Variants in SLC17A1 observed in about 807,000 individuals in gnomAD.
SLC17A1 encodes the protein solute carrier family 17 member 1, also known as sodium-dependent phosphate transport protein 1.
SLC17A1 carries 51 observed loss-of-function variants against 53.5 expected under a neutral mutation model. That is an observed-to-expected ratio of 0.95 (90% CI 0.76 to 1.20). SLC17A1 has a LOEUF of 1.20. Among genes scored for constraint, SLC17A1 ranks in the 50% most tolerant of loss-of-function variants. The pLI is 0.00. For synonymous variants in SLC17A1, 179 were observed against 198.8 expected (o/e 0.90, Z 0.84); for missense variants, 538 against 568.2 (o/e 0.95, Z 0.54).
the SLC17A1 span, chr6:25,726,473 A>T: frequency 3.7e-6 from 6 of 1,613,706 alleles, no homozygotes; most frequent in South Asian, 6.6e-5. Context: ...GCTCTAGAAG[A>T]GCGAGACTTA....
At chr6:25,729,583 G>A in the SLC17A1 span, among the ~76,000 whole-genome samples, 1 of 152,180 alleles carries the variant, frequency 6.6e-6, no homozygotes, top group Admixed American at 6.5e-5. Flanking sequence ...ACCACGGGAT[G>A]GGTGTGAACT....
the SLC17A1 span, among the ~76,000 whole-genome samples, chr6:25,755,005 A>T: frequency 6.6e-6 from 1 of 151,622 alleles, no homozygotes; most frequent in African/African-American, 2.4e-5. Flanking sequence ...GAAATTTTCT[A>T]AAAGTATAGC....
the SLC17A1 span, among the ~76,000 whole-genome samples, chr6:25,736,979 C>T: frequency 3.7e-4 from 57 of 152,268 alleles, no homozygotes; most frequent in African/African-American, 1.3e-3. Context: ...ACCTCCAAAC[C>T]GCCCTTGGTT....
intron 10 of SLC17A1, among the ~76,000 whole-genome samples, chr6:25,806,795 A>G (rs1041830773): frequency 1.3e-5 from 2 of 152,100 alleles, no homozygotes; most frequent in African/African-American, 4.8e-5. Flanking sequence ...AAGAACTAAT[A>G]TCCACAATCT....
chr6:25,726,826 A>C, the SLC17A1 span: 1 of 1,473,524 alleles, frequency 6.8e-7, no homozygotes, highest in Non-Finnish European at 9.1e-7. Context: ...GAGCTGTTTA[A>C]TACTGAAGAG....
At chr6:25,724,171 C>T in the SLC17A1 span, among the ~76,000 whole-genome samples, 1 of 152,164 alleles carries the variant, frequency 6.6e-6, no homozygotes, top group Non-Finnish European at 1.5e-5. Flanking sequence ...CACTTGTAAT[C>T]CCAGCACTTT....
chr6:25,798,693 T>C, intron 12 of SLC17A1, 90 bp downstream of exon 12: 2 of 1,239,854 alleles, frequency 1.6e-6, no homozygotes, highest in Non-Finnish European at 1.1e-6. Flanking sequence ...CTGCACCCGT[T>C]ATTCCTTCTC....
intron 10 of SLC17A1, among the ~76,000 whole-genome samples, chr6:25,805,290 A>G (rs1289049531): frequency 6.6e-6 from 1 of 152,074 alleles, no homozygotes; most frequent in Non-Finnish European, 1.5e-5. Context: ...AATCTGCTCC[A>G]GAATGGGTTT....
intron 7 of SLC17A1, 45 bp downstream of exon 7, chr6:25,813,050 T>G (rs755865019): frequency 1.9e-6 from 3 of 1,612,308 alleles, no homozygotes; most frequent in Middle Eastern, 1.7e-4. Flanking sequence ...ATGTTTAGTT[T>G]GGAGTAGAAT....
the SLC17A1 span, among the ~76,000 whole-genome samples, chr6:25,774,093 A>C: frequency 6.6e-6 from 1 of 152,350 alleles, no homozygotes; most frequent in East Asian, 1.9e-4. Context: ...AAACATAAAC[A>C]ACATATGCTG....
At chr6:25,733,554 G>A in the SLC17A1 span, among the ~76,000 whole-genome samples, 2 of 152,080 alleles carry the variant, frequency 1.3e-5, no homozygotes, top group Non-Finnish European at 2.9e-5. Context: ...ATACAGGTAT[G>A]TGATACCTTA....
At chr6:25,740,097 G>T in the SLC17A1 span, among the ~76,000 whole-genome samples, 1 of 152,252 alleles carries the variant, frequency 6.6e-6, no homozygotes, top group South Asian at 2.1e-4. Context: ...GCCCCTTTTA[G>T]CTATGAGGCA....
rs746503743 is a variant in SLC17A1 at position 25,819,965 on chromosome 6, A to C, written c.208-50T>G. ...GAATCACTCTGCATATCAGAAATTTACTGTGACATTTAGGGATTCAGGGAA... is the reference window on the plus strand; with the variant it reads ...GAATCACTCTGCATATCAGAAATTTCCTGTGACATTTAGGGATTCAGGGAA... On this transcript the variant is annotated intron_variant, in intron 3 of 12. Coordinates refer to ENST00000244527, the MANE Select transcript of SLC17A1 (RefSeq NM_005074.5). The C allele has an allele frequency of 2.3e-6, 3 of 1,278,560 alleles. No homozygotes were observed. In the African/African-American group the frequency reaches 4.5e-5, roughly 19 times the overall value. The allele number at this position is 1,278,560 out of a possible 1,614,324, so 79.2% of individuals were successfully genotyped here. A position where few individuals can be genotyped will look rare whatever the true frequency, so the allele number is the denominator to read the frequency against.
chr6:25,767,748 A>T, the SLC17A1 span, among the ~76,000 whole-genome samples: 4 of 152,108 alleles, frequency 2.6e-5, no homozygotes, highest in East Asian at 7.7e-4. Flanking sequence ...TGCTTTGTCC[A>T]TTTTTTTGAA....
In SLC17A1 at chr6:25,812,992, C is replaced by A. The variant is rs201202638; in HGVS notation, c.736G>T (p.Val246Phe). ...EYITSSLVQQ[V>F]SSSRQSLPIK... Reference sequence around the variant, plus strand: ...GGCAGAGATTGTCTACTTGAACTGACCTGGAGAGAAATTCATTAAGAATTA... The same window carrying A: ...GGCAGAGATTGTCTACTTGAACTGAACTGGAGAGAAATTCATTAAGAATTA... The change falls in exon 8 of 13, where the codon GTC becomes TTC. Residue 246 changes from valine (V) to phenylalanine (F), a missense_variant and splice_region_variant. Physicochemically the swap from Val to Phe is conservative, Grantham distance 50. Transcript: ENST00000244527. 2 of 1,613,748 alleles carry A rather than the reference C, an allele frequency of 1.2e-6. No individual in the cohort carries two copies. The highest frequency in any genetic ancestry group is 1.3e-5 in the African/African-American group (1 of 74,992).
chr6:25,806,424 G>A (rs1010337400), intron 10 of SLC17A1, among the ~76,000 whole-genome samples: 3 of 151,910 alleles, frequency 2.0e-5, no homozygotes, highest in Admixed American at 2.0e-4. Context: ...AACATCATAC[G>A]AAATAGGGAA....
At chr6:25,740,346 A>C in the SLC17A1 span, among the ~76,000 whole-genome samples, 1 of 152,124 alleles carries the variant, frequency 6.6e-6, no homozygotes, top group Non-Finnish European at 1.5e-5. Flanking sequence ...AAACACCTGG[A>C]TATTTACAAG....
At chr6:25,791,347 T>TTG (rs1392282084) in intron 12 of SLC17A1, among the ~76,000 whole-genome samples, 1 of 152,206 alleles carries the variant, frequency 6.6e-6, no homozygotes, top group Non-Finnish European at 1.5e-5. Flanking sequence ...ATGTTTTTTT[T>TTG]GACCTGCCTG....
chr6:25,778,499 CTT>C (rs1445606494), downstream of SLC17A1, among the ~76,000 whole-genome samples: 1 of 152,172 alleles, frequency 6.6e-6, no homozygotes, highest in African/African-American at 2.4e-5. Context: ...TCAAACTGCT[CTT>C]GTTTCTCCTG....
Sources: allele counts gnomAD v4.1 joint callset (sites outside exome capture counted in the v4.1 genomes callset), GRCh38; gene constraint gnomAD v4.1.1; transcripts MANE v1.5; gene names NCBI Gene and HGNC (gene_info 2026-07-23, HGNC 2026-07-21).